Variants in NFXL1 observed in about 807,000 individuals in gnomAD.
NFXL1 encodes the protein NF-X1-type zinc finger protein NFXL1.
Under a neutral mutation model 123.3 loss-of-function variants are expected in NFXL1, and 66 were observed. The observed-to-expected ratio is 0.54, with a 90% CI of 0.44 to 0.66. The LOEUF is 0.66. Among genes scored for constraint, NFXL1 ranks in the 30% least tolerant of loss-of-function variants. The pLI is 0.00. For missense variants in NFXL1, 944 were observed against 1,125.6 expected (o/e 0.84, Z 2.31); for synonymous variants, 346 against 360.8 (o/e 0.96, Z 0.46).
chr4:47,878,569 A>G lies in NFXL1; in HGVS notation c.2035T>C (p.Cys679Arg). ...DCQNHTCMKE[C>R]HKVTKTDGCT... ...CCATCAGTTTTGGTTACTTTGTGGC[A>G]TTCTTTCATACATGTGTGATTCTGA... is the stretch of plus-strand genomic sequence containing the variant. Residue 679 changes from cysteine to arginine, a missense_variant, in exon 17 of 23, where the codon TGC (cysteine) becomes CGC (arginine). Transcript: ENST00000507489. 3 of 1,606,728 alleles carry G rather than the reference A, an allele frequency of 1.9e-6. No individual in the cohort carries two copies. The highest frequency in any genetic ancestry group is 2.5e-6 in the Non-Finnish European group (3 of 1,176,556).
At position 47,897,957 on chromosome 4, in the gene NFXL1, C is replaced by T; in HGVS notation, c.1204+10G>A. On this transcript the variant is annotated intron_variant, in intron 9 of 22. Transcript: ENST00000507489. ...TTTCCTATATAAATATAAAAAAAAACAAGTCTTACTTGATTTCTGACATGG... is the reference window on the plus strand; with the variant it reads ...TTTCCTATATAAATATAAAAAAAAATAAGTCTTACTTGATTTCTGACATGG... 1 of 1,497,044 alleles carries T rather than the reference C, an allele frequency of 6.7e-7. No individual in the cohort carries two copies. The highest frequency in any genetic ancestry group is 1.2e-5 in the South Asian group (1 of 81,894). 92.7% of individuals were successfully genotyped at this position (1,497,044 alleles called of 1,614,324 possible). A position where few individuals can be genotyped will look rare whatever the true frequency, so the allele number is the denominator to read the frequency against.
chr4:47,883,402 T>TTA (rs1175570264), intron 15 of NFXL1, among the ~76,000 whole-genome samples: 1 of 152,202 alleles, frequency 6.6e-6, no homozygotes, highest in Non-Finnish European at 1.5e-5. Context: ...CCACTAATAA[T>TTA]TCTAACTTAG....
Position 47,890,761 on chromosome 4 carries a change from A to G in NFXL1, c.1453-58T>C, listed in dbSNP as rs1045266829. 4.5e-6 allele frequency: 4 copies of G among 895,742 alleles called. No individual in the cohort carries two copies. In the African/African-American group the frequency reaches 6.6e-5, roughly 15 times the overall value. The allele number at this position is 895,742 out of a possible 1,614,324, so 55.5% of individuals were successfully genotyped here. ...ATTCAAAAACCCATGAATAATAGGC[A>G]TGTCATTACTAGTTACAGAACTTAT... On this transcript the variant is annotated intron_variant, in intron 11 of 22. Transcript: ENST00000507489.
chr4:47,879,113 A>G lies in NFXL1; in HGVS notation c.1921T>C (p.Cys641Arg). Residue 641 changes from cysteine to arginine, a missense_variant, in exon 16 of 23, where the codon TGT (cysteine) becomes CGT (arginine). Around this residue, in one of 4 missense-constraint regions of NFXL1, gnomAD observed 301 missense variants for 348.0 expected, o/e 0.86. Coordinates refer to ENST00000507489, the MANE Select transcript of NFXL1 (RefSeq NM_001278624.2). ...TAACTTACCTCATGTTTCCCAAGAC[A>G]TTCCCTACAAGGAAAAAATAAAATA... ...PPCQVPIPME[C>R]LGKHEVSPLP... 7.3e-7 allele frequency: 1 copy of G among 1,362,240 alleles called. No individual in the cohort carries two copies. Among genetic ancestry groups the G allele is most frequent in the Non-Finnish European group, 9.9e-7 (1 of 1,011,220 alleles). 84.4% of individuals were successfully genotyped at this position (1,362,240 alleles called of 1,614,324 possible).
intron 20 of NFXL1, among the ~76,000 whole-genome samples, chr4:47,852,380 T>C (rs1410557591): frequency 3.9e-5 from 6 of 152,138 alleles, no homozygotes; most frequent in African/African-American, 1.4e-4. Context: ...ATATGGCTAC[T>C]GAGCACTTGA....
chr4:47,885,570 T>C lies in NFXL1; in HGVS notation c.1752A>G (p.Lys584=). The change falls in exon 14 of 23, where the codon AAA becomes AAG. Residue 584 remains lysine (K), a synonymous_variant. Transcript: ENST00000507489. ...SCPPCHQPCQ[K]VLEKCGHLCP... is the part of the protein sequence containing the mutation. ...ACAAGTGACCACATTTCTCCAAAAC[T>C]TTTTGGCAAGGTTGATGACATGGTG... 1.2e-6 allele frequency: 2 copies of C among 1,613,966 alleles called. No individual in the cohort carries two copies. Among genetic ancestry groups the C allele is most frequent in the South Asian group, 2.2e-5 (2 of 91,080 alleles).
intron 15 of NFXL1, among the ~76,000 whole-genome samples, chr4:47,884,053 G>A (rs1177237176): frequency 1.3e-5 from 2 of 152,276 alleles, no homozygotes; most frequent in East Asian, 3.9e-4. Flanking sequence ...AACAAATGAT[G>A]TTCCTTGGAT....
chr4:47,874,687 A>T lies in NFXL1; in HGVS notation c.2246+440T>A, dbSNP rs375669593. Among the ~76,000 whole-genome samples the T allele has an allele frequency of 9.8e-5, 13 of 133,326 alleles. No homozygotes were observed. In the East Asian group the frequency reaches 2.6e-3, roughly 26 times the overall value. The allele number at this position is 133,326 out of a possible 152,430, so 87.5% of individuals were successfully genotyped here. ...ATGCTGTTGGAAAAAGGGCATCAAT[A>T]GACTTGCTCAATGCAGGTTGACAAA... On this transcript the variant is annotated intron_variant, in intron 18 of 22. Transcript: ENST00000507489.
intron 3 of NFXL1, among the ~76,000 whole-genome samples, chr4:47,907,196 T>C (rs1201162487): frequency 6.6e-6 from 1 of 152,190 alleles, no homozygotes; most frequent in South Asian, 2.1e-4. Context: ...AGATTGTGTC[T>C]GTTTTAAAAG....
intron 3 of NFXL1, among the ~76,000 whole-genome samples, chr4:47,910,601 T>C (rs1220114185): frequency 2.6e-5 from 4 of 152,166 alleles, no homozygotes; most frequent in East Asian, 1.9e-4. Flanking sequence ...AAAGGCCTCC[T>C]AAGGCTATAA....
intron 18 of NFXL1, among the ~76,000 whole-genome samples, chr4:47,874,452 G>C (rs1042477361): frequency 6.6e-6 from 1 of 152,174 alleles, no homozygotes; most frequent in African/African-American, 2.4e-5. Context: ...GAGGTAGAGA[G>C]ATAGGGGAAC....
At chr4:47,876,477 T>G (rs749903912) in intron 17 of NFXL1, among the ~76,000 whole-genome samples, 6 of 151,968 alleles carry the variant, frequency 3.9e-5, no homozygotes, top group Non-Finnish European at 5.9e-5. Context: ...AATGTTCAAG[T>G]AACAGGATGA....
In NFXL1 at chr4:47,914,360, T is replaced by A; in HGVS notation, c.-3+5A>T. On this transcript the variant is annotated splice_donor_5th_base_variant and intron_variant, in intron 1 of 22. Coordinates refer to ENST00000507489, the MANE Select transcript of NFXL1 (RefSeq NM_001278624.2). ...GGTTTTAGGAGGTCGCGGCCCTGCC[T>A]TTACCGGAGGGCGAGTCCCCGCCAA... The A allele has an allele frequency of 1.0e-5, 6 of 581,014 alleles. No homozygotes were observed. The highest frequency in any genetic ancestry group is 1.8e-5 in the Non-Finnish European group (6 of 340,056). The allele number at this position is 581,014 out of a possible 1,614,324, so 36.0% of individuals were successfully genotyped here. A position where few individuals can be genotyped will look rare whatever the true frequency, so the allele number is the denominator to read the frequency against.
chr4:47,908,954 C>CAA lies in NFXL1; in HGVS notation c.406+1868_406+1869dup, dbSNP rs11457014. Among the ~76,000 whole-genome samples, 537 of 90,464 alleles carry CAA rather than the reference C, an allele frequency of 5.9e-3. 20 individuals carry two copies. The highest frequency in any genetic ancestry group is 7.9e-3 in the Non-Finnish European group (383 of 48,340). 59.3% of individuals were successfully genotyped at this position (90,464 alleles called of 152,430 possible). ...TGGGCGACAGAGTGAGACTCCGTCG[C>CAA]AAAAAAAAAAAAAAAAAAGAAACAA... is the stretch of plus-strand genomic sequence containing the variant. On this transcript the variant is annotated intron_variant, in intron 3 of 22. Coordinates refer to ENST00000507489, the MANE Select transcript of NFXL1 (RefSeq NM_001278624.2).
chr4:47,878,659 G>C lies in NFXL1; in HGVS notation c.1945C>G (p.Pro649Ala). The C allele has an allele frequency of 1.3e-6, 2 of 1,539,746 alleles. No homozygotes were observed. The highest frequency in any genetic ancestry group is 1.7e-6 in the Non-Finnish European group (2 of 1,147,158). ...MECLGKHEVS[P>A]LPCHAVGPYS... ...GGTCCTACAGCATGGCATGGTAGTG[G>C]ACTCACCTTAAAAAATAAAGGAAAT... is the stretch of plus-strand genomic sequence containing the variant. Residue 649 changes from proline to alanine, a missense_variant, in exon 17 of 23, where the codon CCA (proline) becomes GCA (alanine). By Grantham distance (27) the Pro-to-Ala change is conservative. Coordinates refer to ENST00000507489, the MANE Select transcript of NFXL1 (RefSeq NM_001278624.2).
chr4:47,878,796 A>G (rs1441402113), intron 16 of NFXL1, 131 bp from the exon 17 acceptor site: 11 of 614,754 alleles, frequency 1.8e-5, no homozygotes. Flanking sequence ...ACGAATAATA[A>G]TAATATCAAA....
At chr4:47,889,430 A>G (rs1412411413) in intron 12 of NFXL1, among the ~76,000 whole-genome samples, 1 of 152,210 alleles carries the variant, frequency 6.6e-6, no homozygotes, top group Non-Finnish European at 1.5e-5. Context: ...GAAGGAATGT[A>G]GTATAATGGA....
At chr4:47,878,115 G>A (rs1735863194) in intron 17 of NFXL1, among the ~76,000 whole-genome samples, 1 of 151,960 alleles carries the variant, frequency 6.6e-6, no homozygotes, top group Non-Finnish European at 1.5e-5. Flanking sequence ...TTAAAATTAT[G>A]AACATCATCC....
Position 47,878,570 on chromosome 4 carries a change from T to G in NFXL1, c.2034A>C (p.Glu678Asp). Residue 678 changes from glutamate (E) to aspartate (D), a missense_variant, in exon 17 of 23, where the codon GAA (glutamate) becomes GAC (aspartate). Physicochemically the swap from Glu to Asp is conservative, Grantham distance 45 (BLOSUM62 2). Transcript: ENST00000507489. ...CATCAGTTTTGGTTACTTTGTGGCA[T>G]TCTTTCATACATGTGTGATTCTGAC... ...LDCQNHTCMK[E>D]CHKVTKTDGC... 3.1e-6 allele frequency: 5 copies of G among 1,607,004 alleles called. No homozygotes were observed. Among genetic ancestry groups the G allele is most frequent in the Non-Finnish European group, 4.2e-6 (5 of 1,176,662 alleles).
Sources: allele counts gnomAD v4.1 joint callset (sites outside exome capture counted in the v4.1 genomes callset), GRCh38; gene constraint gnomAD v4.1.1; regional missense constraint gnomAD v4.1.1; transcripts MANE v1.5; gene names NCBI Gene and HGNC (gene_info 2026-07-23, HGNC 2026-07-21).